Variants in AFG1L observed in about 807,000 individuals in gnomAD.
AFG1L encodes AFG1 like ATPase.
AFG1L carries 53 observed loss-of-function variants against 62.2 expected under a neutral mutation model. That is an observed-to-expected ratio of 0.85 (90% CI 0.68 to 1.07). The LOEUF (loss-of-function observed/expected upper bound fraction) is 1.07. AFG1L is among the 50% of genes least tolerant of loss of function. The pLI, the probability that AFG1L is intolerant of heterozygous loss-of-function variation, is 0.00. For synonymous variants in AFG1L, 228 were observed against 210.3 expected (o/e 1.08, Z -0.73); for missense variants, 555 against 590.5 (o/e 0.94, Z 0.62).
chr6:108,478,254 G>A (rs7763513), intron 10 of AFG1L, among the ~76,000 whole-genome samples: 3,691 of 152,270 alleles, frequency 0.024, 143 homozygotes, highest in African/African-American at 0.084. Context: ...TAGCTAACAC[G>A]GTGAAACCTC....
chr6:108,423,848 A>G (rs759693330), intron 7 of AFG1L, among the ~76,000 whole-genome samples: 3 of 152,082 alleles, frequency 2.0e-5, no homozygotes, highest in Non-Finnish European at 4.4e-5. Flanking sequence ...TTTGTCTCTA[A>G]ATGTATGTGG....
intron 10 of AFG1L, 39 bp downstream of exon 10, chr6:108,477,331 A>G: frequency 8.1e-7 from 1 of 1,227,754 alleles, no homozygotes. Context: ...TGGCCTTTTC[A>G]CATGTTAAAA....
chr6:108,340,033 C>T (rs914247151), intron 2 of AFG1L, among the ~76,000 whole-genome samples: 2 of 151,958 alleles, frequency 1.3e-5, no homozygotes, highest in Non-Finnish European at 2.9e-5. Context: ...CCCACCTCCC[C>T]CTCCACCCCA....
intron 6 of AFG1L, among the ~76,000 whole-genome samples, chr6:108,377,131 TG>T (rs1780283545): frequency 6.6e-6 from 1 of 152,116 alleles, no homozygotes; most frequent in African/African-American, 2.4e-5. Context: ...TTGGAGCGTA[TG>T]GGTGTCATTA....
intron 6 of AFG1L, among the ~76,000 whole-genome samples, chr6:108,393,621 G>C (rs1263426969): frequency 6.6e-6 from 1 of 152,016 alleles, no homozygotes; most frequent in Non-Finnish European, 1.5e-5. Context: ...ATCTCTCATT[G>C]TCATTAATGA....
intron 8 of AFG1L, among the ~76,000 whole-genome samples, chr6:108,468,977 A>G (rs7742839): frequency 0.48 from 72,272 of 150,860 alleles, 18,017 homozygotes; most frequent in African/African-American, 0.63. Flanking sequence ...CTGCTCTCTT[A>G]TTTTTTTCTT....
intron 2 of AFG1L, among the ~76,000 whole-genome samples, chr6:108,324,391 CCTT>C (rs1382633352): frequency 6.6e-6 from 1 of 152,208 alleles, no homozygotes; most frequent in Non-Finnish European, 1.5e-5. Context: ...TTTTCTTCCT[CCTT>C]CTTTCTCTGT....
At chr6:108,407,545 C>A (rs747685546) in intron 7 of AFG1L, among the ~76,000 whole-genome samples, 11 of 152,016 alleles carry the variant, frequency 7.2e-5, no homozygotes, top group African/African-American at 2.4e-4. Flanking sequence ...ATTAGCTAGG[C>A]ATTGCGGTGT....
chr6:108,355,510 A>G (rs1266131905), intron 3 of AFG1L, 144 bp from the exon 4 acceptor site: 4 of 459,948 alleles, frequency 8.7e-6, no homozygotes, highest in Admixed American at 4.2e-5. Context: ...ATACAAAGTA[A>G]GCTCCCCCTT....
At chr6:108,326,263 G>A (rs1266282896) in intron 2 of AFG1L, among the ~76,000 whole-genome samples, 2 of 152,110 alleles carry the variant, frequency 1.3e-5, no homozygotes, top group Admixed American at 1.3e-4. Context: ...TGTAGAGACA[G>A]GACCTTACTC....
chr6:108,433,271 GTTATTA>G (rs55979082), intron 7 of AFG1L, among the ~76,000 whole-genome samples: 8 of 150,940 alleles, frequency 5.3e-5, no homozygotes, highest in Non-Finnish European at 1.0e-4. Flanking sequence ...CTTTATTATT[GTTATTA>G]TTATTATTAT....
intron 3 of AFG1L, among the ~76,000 whole-genome samples, chr6:108,352,954 T>C (rs1456536169): frequency 6.6e-6 from 1 of 152,178 alleles, no homozygotes; most frequent in East Asian, 1.9e-4. Context: ...GGGCCAACTG[T>C]AACATTTTAT....
chr6:108,344,871 G>C (rs1309619404), intron 2 of AFG1L: 2 of 462,904 alleles, frequency 4.3e-6, no homozygotes, highest in South Asian at 3.2e-5. Flanking sequence ...GGTAAGATAA[G>C]TTCTATTTTG....
intron 6 of AFG1L, among the ~76,000 whole-genome samples, chr6:108,375,137 T>C (rs1384374924): frequency 1.3e-5 from 2 of 152,196 alleles, no homozygotes; most frequent in South Asian, 2.1e-4. Context: ...TTGAATGTTA[T>C]TGGTGTATAG....
intron 7 of AFG1L, among the ~76,000 whole-genome samples, chr6:108,408,375 G>A (rs1341089566): frequency 6.6e-5 from 10 of 152,080 alleles, no homozygotes; most frequent in Non-Finnish European, 1.2e-4. Flanking sequence ...TATGTGTATT[G>A]TTCTTTGCCC....
intron 1 of AFG1L, among the ~76,000 whole-genome samples, chr6:108,320,393 G>A (rs1228568426): frequency 1.3e-5 from 2 of 152,172 alleles, no homozygotes; most frequent in Non-Finnish European, 2.9e-5. Flanking sequence ...AAGAATGTTA[G>A]CTCTGGCTGG....
At chr6:108,437,864 T>C (rs1350343121) in intron 7 of AFG1L, among the ~76,000 whole-genome samples, 1 of 152,100 alleles carries the variant, frequency 6.6e-6, no homozygotes, top group Non-Finnish European at 1.5e-5. Context: ...CAGTGTGACA[T>C]AGTGGGAGGA....
At chr6:108,453,027 AG>A (rs1256936692) in intron 8 of AFG1L, among the ~76,000 whole-genome samples, 4 of 152,276 alleles carry the variant, frequency 2.6e-5, no homozygotes, top group African/African-American at 9.6e-5. Context: ...AGACCCATGG[AG>A]GGGCTTGTCT....
intron 11 of AFG1L, among the ~76,000 whole-genome samples, chr6:108,511,356 C>T (rs1048659908): frequency 2.0e-5 from 3 of 152,162 alleles, no homozygotes; most frequent in African/African-American, 7.2e-5. Flanking sequence ...GTGTGAATTG[C>T]CAAGTCACTG....
Sources: allele counts gnomAD v4.1 joint callset (sites outside exome capture counted in the v4.1 genomes callset), GRCh38; gene constraint gnomAD v4.1.1; transcripts MANE v1.5; gene names NCBI Gene and HGNC (gene_info 2026-07-23, HGNC 2026-07-21).